Variants in NCBP1 observed in about 807,000 individuals in gnomAD.
NCBP1 encodes the protein nuclear cap binding protein subunit 1, also known as nuclear cap-binding protein subunit 1.
Under a neutral mutation model 111.7 loss-of-function variants are expected in NCBP1, and 16 were observed. The observed-to-expected ratio is 0.14, with a 90% CI of 0.10 to 0.22. NCBP1 has a LOEUF of 0.22. NCBP1 is among the 10% of genes least tolerant of loss of function. The pLI, the probability that NCBP1 is intolerant of heterozygous loss-of-function variation, is 1.00. For synonymous variants in NCBP1, 304 were observed against 314.3 expected, an observed-to-expected ratio of 0.97 and a Z score of 0.35; for missense variants, 607 against 957.5, an observed-to-expected ratio of 0.63 and a Z score of 4.83.
intron 19 of NCBP1, 89 bp from the exon 20 acceptor site, chr9:97,666,674 T>G (rs1807873482): frequency 1.3e-6 from 1 of 793,818 alleles, no homozygotes; most frequent in East Asian, 2.7e-5. Flanking sequence ...CTGTATCAGC[T>G]GTTAAGAATG....
intron 15 of NCBP1, 117 bp downstream of exon 15, chr9:97,658,860 G>GT (rs1201309755): frequency 2.6e-6 from 2 of 757,594 alleles, no homozygotes; most frequent in East Asian, 5.4e-5. Context: ...TATATTTCCT[G>GT]TATTTGAAAG....
At chr9:97,667,233 T>G (rs1435058155) in intron 20 of NCBP1, among the ~76,000 whole-genome samples, 1 of 152,192 alleles carries the variant, frequency 6.6e-6, no homozygotes, top group Non-Finnish European at 1.5e-5. Context: ...CTATAGATAC[T>G]TAACACTTTC....
At chr9:97,666,488 A>T in intron 19 of NCBP1, among the ~76,000 whole-genome samples, 1 of 152,204 alleles carries the variant, frequency 6.6e-6, no homozygotes, top group Middle Eastern at 3.2e-3. Flanking sequence ...CAATTCAGTA[A>T]GTATGTACCT....
chr9:97,668,174 C>T (rs1035324814), intron 20 of NCBP1, among the ~76,000 whole-genome samples: 5 of 152,330 alleles, frequency 3.3e-5, no homozygotes, highest in Admixed American at 2.6e-4. Context: ...CTTAGAGCCA[C>T]GTTCTGGCTC....
Position 97,645,113 on chromosome 9 carries a change from A to T in NCBP1, c.382-4A>T. The T allele has an allele frequency of 6.2e-7, 1 of 1,610,422 alleles. No homozygotes were observed. Among genetic ancestry groups the T allele is most frequent in the South Asian group, 1.1e-5 (1 of 90,988 alleles). The stretch of plus-strand genomic sequence containing the variant: ...TTAATAGCAGAAATTGTTTGCCCCA[A>T]CAGGTCCGTTTTTTATCTGATCTTG... On this transcript the variant is annotated splice_polypyrimidine_tract_variant and splice_region_variant and intron_variant, in intron 4 of 22. Coordinates refer to ENST00000375147, the MANE Select transcript of NCBP1 (RefSeq NM_002486.5).
chr9:97,654,957 C>G lies in NCBP1; in HGVS notation c.1235+13C>G. The G allele has an allele frequency of 1.9e-6, 3 of 1,564,112 alleles. No individual in the cohort carries two copies. Among genetic ancestry groups the G allele is most frequent in the Non-Finnish European group, 2.6e-6 (3 of 1,155,450 alleles). On this transcript the variant is annotated intron_variant, in intron 12 of 22. Transcript: ENST00000375147. ...CCTGTGTAGACAGGTACAGTAATCG[C>G]TTTACTGCTGAGCTGAGTTAGCAGC...
In NCBP1 at chr9:97,664,433, G is replaced by T; in HGVS notation, c.1891G>T (p.Asp631Tyr). ...NWIFSSELSR[D>Y]FTRLFVWEIL... is the part of the protein sequence containing the mutation. ...GATCTTCTCTTCAGAACTATCTCGT[G>T]ACTTTACCAGGTAATATAAATTATT... Residue 631 changes from aspartate to tyrosine, a missense_variant, in exon 19 of 23, where the codon GAC (aspartate) becomes TAC (tyrosine). Physicochemically the swap from Asp to Tyr is radical, Grantham distance 160. Around this residue, in one of 9 missense-constraint regions of NCBP1, gnomAD observed 282 missense variants for 376.5 expected, o/e 0.75. Coordinates refer to ENST00000375147, the MANE Select transcript of NCBP1 (RefSeq NM_002486.5). The T allele has an allele frequency of 6.3e-7, 1 of 1,599,080 alleles. No homozygotes were observed. The highest frequency in any genetic ancestry group is 8.6e-7 in the Non-Finnish European group (1 of 1,166,722).
At chr9:97,642,643 A>G (rs889611572) in intron 3 of NCBP1, among the ~76,000 whole-genome samples, 2 of 152,128 alleles carry the variant, frequency 1.3e-5, no homozygotes, top group Non-Finnish European at 2.9e-5. Context: ...ATATCAGAGT[A>G]TGTTTTTAAA....
At chr9:97,652,251 C>T (rs1170946083) in intron 10 of NCBP1, among the ~76,000 whole-genome samples, 1 of 152,184 alleles carries the variant, frequency 6.6e-6, no homozygotes, top group African/African-American at 2.4e-5. Flanking sequence ...ATCTGCCTGC[C>T]TTGGGCTCCC....
Position 97,671,385 on chromosome 9 carries a change from C to A in NCBP1, c.*186C>A, listed in dbSNP as rs886804288. 1.9e-6 allele frequency: 1 copy of A among 532,884 alleles called. No individual in the cohort carries two copies. The highest frequency in any genetic ancestry group is 3.3e-6 in the Non-Finnish European group (1 of 299,958). The allele number at this position is 532,884 out of a possible 1,614,324, so 33.0% of individuals were successfully genotyped here. ...GCCCTGAAAAGCAAATACTTCCTAACGGCAGTAATGTGACTATGACCATGA... is the reference window on the plus strand; with the variant it reads ...GCCCTGAAAAGCAAATACTTCCTAAAGGCAGTAATGTGACTATGACCATGA... On this transcript the variant is annotated 3_prime_UTR_variant, in exon 23 of 23. Coordinates refer to ENST00000375147, the MANE Select transcript of NCBP1 (RefSeq NM_002486.5).
In NCBP1 at chr9:97,637,453, A is replaced by G. The variant is rs192723328; in HGVS notation, c.35-3341A>G. 6.2e-3 allele frequency among the ~76,000 whole-genome samples: 940 copies of G among 152,316 alleles called. 29 individuals are homozygous for G. The highest frequency in any genetic ancestry group is 0.049 in the Admixed American group (756 of 15,292). On this transcript the variant is annotated intron_variant, in intron 1 of 22. Coordinates refer to ENST00000375147, the MANE Select transcript of NCBP1 (RefSeq NM_002486.5). ...GAAACAATACGAATACAATTTTGGGAATTTGGGCAATTTACAAAAATTTCA... is the reference window on the plus strand; with the variant it reads ...GAAACAATACGAATACAATTTTGGGGATTTGGGCAATTTACAAAAATTTCA...
intron 20 of NCBP1, among the ~76,000 whole-genome samples, chr9:97,667,712 A>G (rs1380552266): frequency 1.3e-5 from 2 of 152,214 alleles, no homozygotes; most frequent in African/African-American, 4.8e-5. Flanking sequence ...GTGCTGTCCA[A>G]CACAGTAGCC....
chr9:97,669,580 T>C lies in NCBP1; in HGVS notation c.2146-13T>C, dbSNP rs1443764013. On this transcript the variant is annotated splice_polypyrimidine_tract_variant and intron_variant, in intron 21 of 22. Coordinates refer to ENST00000375147, the MANE Select transcript of NCBP1 (RefSeq NM_002486.5). ...TGTCTGTAGTACTACCTTAACTTCT[T>C]CTCCCTTTCCAGCGGTTTATCATGA... is the stretch of plus-strand genomic sequence containing the variant. 3 of 1,568,740 alleles carry C rather than the reference T, an allele frequency of 1.9e-6. No individual in the cohort carries two copies. Among genetic ancestry groups the C allele is most frequent in the African/African-American group, 2.7e-5 (2 of 73,886 alleles).
intron 1 of NCBP1, among the ~76,000 whole-genome samples, chr9:97,638,237 C>T (rs1827108058): frequency 6.6e-6 from 1 of 152,156 alleles, no homozygotes; most frequent in Admixed American, 6.5e-5. Flanking sequence ...GAAAGTGGAA[C>T]ATTTCTTACC....
At chr9:97,658,551 T>A in intron 14 of NCBP1, 89 bp from the exon 15 acceptor site, 1 of 980,770 alleles carries the variant, frequency 1.0e-6, no homozygotes, top group Non-Finnish European at 1.6e-6. Flanking sequence ...TTCAAGTTGT[T>A]GGAGATCATG....
chr9:97,652,698 G>A (rs1475262924), intron 10 of NCBP1, among the ~76,000 whole-genome samples: 4 of 152,312 alleles, frequency 2.6e-5, no homozygotes, highest in African/African-American at 9.6e-5. Flanking sequence ...TGAGCTAGCT[G>A]GGCCTGATAG....
intron 6 of NCBP1, 145 bp from the exon 7 acceptor site, chr9:97,647,347 T>A (rs1403383542): frequency 3.3e-6 from 2 of 603,344 alleles, no homozygotes; most frequent in East Asian, 5.9e-5. Context: ...TGATACACAG[T>A]ACATTATCAA....
chr9:97,634,004 CTCT>C (rs1252338966), intron 1 of NCBP1, 89 bp downstream of exon 1: 1 of 1,393,238 alleles, frequency 7.2e-7, no homozygotes, highest in Non-Finnish European at 9.5e-7. Context: ...AGACTGGAAG[CTCT>C]TCTCCCCGGG....
rs183913436 is a variant in NCBP1 at position 97,657,623 on chromosome 9, C to T, written c.1374-1017C>T. On this transcript the variant is annotated intron_variant, in intron 14 of 22. Transcript: ENST00000375147. ...TCTGAAGTTTTACTCTTACTCTGTT[C>T]TTCATCAGATCTCCATCCTGCTTTT... Among the ~76,000 whole-genome samples, 52 of 152,166 alleles carry T rather than the reference C, an allele frequency of 3.4e-4. 2 individuals carry two copies. In the East Asian group the frequency reaches 7.7e-3, roughly 23 times the overall value.
Sources: gnomAD v4.1 joint callset for allele counts (sites outside exome capture counted in the v4.1 genomes callset) on GRCh38, gnomAD v4.1.1 for gene constraint, gnomAD v4.1.1 regional missense constraint, MANE v1.5 for transcripts, NCBI Gene and HGNC (gene_info 2026-07-23, HGNC 2026-07-21) for gene names.